Variants in SNTG1 observed in about 807,000 individuals in gnomAD.
The protein encoded by SNTG1 is gamma-1-syntrophin.
A neutral mutation model predicts 74.7 loss-of-function variants in SNTG1; 39 were observed. The ratio of observed to expected loss-of-function variants is 0.52; its 90% CI spans 0.40 to 0.68. The LOEUF is 0.68. SNTG1 is among the 30% of genes least tolerant of loss of function. The probability of loss-of-function intolerance (pLI) is 0.00; values close to 1 mark genes in which losing one functional copy is unlikely to be tolerated. For missense variants in SNTG1, 685 were observed against 609.5 expected, an observed-to-expected ratio of 1.12 and a Z score of -1.30; for synonymous variants, 254 against 217.1, an observed-to-expected ratio of 1.17 and a Z score of -1.49.
At chr8:50,080,284 T>C (rs2131071985) in intron 1 of SNTG1, among the ~76,000 whole-genome samples, 1 of 152,304 alleles carries the variant, frequency 6.6e-6, no homozygotes, top group African/African-American at 2.4e-5. Context: ...ACTAGGCAAA[T>C]TCTCTGATGG....
intron 9 of SNTG1, among the ~76,000 whole-genome samples, chr8:50,505,630 T>G (rs2093999726): frequency 6.6e-6 from 1 of 152,174 alleles, no homozygotes; most frequent in South Asian, 2.1e-4. Flanking sequence ...TTTTCACATA[T>G]TTATTGGCCA....
chr8:50,326,508 C>T (rs1197652484), intron 2 of SNTG1, among the ~76,000 whole-genome samples: 1 of 151,768 alleles, frequency 6.6e-6, no homozygotes, highest in Non-Finnish European at 1.5e-5. Context: ...TTTTGTTATT[C>T]CTTTAATTTC....
At chr8:50,241,562 C>A (rs1469333531) in intron 2 of SNTG1, among the ~76,000 whole-genome samples, 2 of 152,080 alleles carry the variant, frequency 1.3e-5, no homozygotes, top group East Asian at 3.9e-4. Flanking sequence ...TGTCTGATGT[C>A]CCAGTGGGCA....
chr8:50,463,189 G>A (rs914104127), intron 8 of SNTG1, among the ~76,000 whole-genome samples: 1 of 152,086 alleles, frequency 6.6e-6, no homozygotes, highest in African/African-American at 2.4e-5. Flanking sequence ...AAAACTTGAA[G>A]CCCTCAAAGT....
At chr8:50,091,708 GT>G (rs1422864577) in intron 1 of SNTG1, among the ~76,000 whole-genome samples, 4 of 152,050 alleles carry the variant, frequency 2.6e-5, no homozygotes, top group Non-Finnish European at 5.9e-5. Flanking sequence ...CTAAGGTGTT[GT>G]TTATGTTTTT....
chr8:49,968,545 A>C (rs1325774566), intron 1 of SNTG1, among the ~76,000 whole-genome samples: 1 of 152,200 alleles, frequency 6.6e-6, no homozygotes, highest in Admixed American at 6.5e-5. Context: ...TAAGGGCAAG[A>C]ACTTGTAATA....
At chr8:50,716,404 T>C (rs1387278075) in intron 17 of SNTG1, among the ~76,000 whole-genome samples, 2 of 152,014 alleles carry the variant, frequency 1.3e-5, no homozygotes, top group Admixed American at 6.6e-5. Context: ...TAAAATTATA[T>C]ATATATTTTT....
At chr8:50,474,289 A>G (rs1289695513) in intron 8 of SNTG1, among the ~76,000 whole-genome samples, 1 of 151,946 alleles carries the variant, frequency 6.6e-6, no homozygotes, top group African/African-American at 2.4e-5. Flanking sequence ...TGAACAGGCA[A>G]CCTACAAAAT....
chr8:50,452,182 C>A (rs2093464198), intron 8 of SNTG1, among the ~76,000 whole-genome samples: 1 of 152,154 alleles, frequency 6.6e-6, no homozygotes, highest in African/African-American at 2.4e-5. Context: ...TGTCACTTGT[C>A]TTTGTCTTCT....
chr8:50,769,245 C>G (rs2095621391), intron 18 of SNTG1, among the ~76,000 whole-genome samples: 2 of 151,858 alleles, frequency 1.3e-5, no homozygotes, highest in South Asian at 4.2e-4. Context: ...TTAACTGCCT[C>G]CAAAATAGTA....
At chr8:50,475,473 T>G (rs1393938939) in intron 8 of SNTG1, among the ~76,000 whole-genome samples, 1 of 152,184 alleles carries the variant, frequency 6.6e-6, no homozygotes, top group Non-Finnish European at 1.5e-5. Context: ...TTTGCCTACC[T>G]GACTTCTGTA....
intron 3 of SNTG1, among the ~76,000 whole-genome samples, chr8:50,400,101 A>C (rs1478341562): frequency 6.6e-6 from 1 of 152,220 alleles, no homozygotes; most frequent in Non-Finnish European, 1.5e-5. Context: ...GTATATAAAT[A>C]TATTCCCATC....
intron 1 of SNTG1, among the ~76,000 whole-genome samples, chr8:50,154,388 G>A (rs775891903): frequency 1.2e-4 from 19 of 152,050 alleles, no homozygotes; most frequent in African/African-American, 3.6e-4. Flanking sequence ...TGGGTAAGGC[G>A]ATGCCTCACC....
intron 12 of SNTG1, among the ~76,000 whole-genome samples, chr8:50,567,897 A>T (rs1311620269): frequency 6.6e-6 from 1 of 152,098 alleles, no homozygotes; most frequent in Non-Finnish European, 1.5e-5. Flanking sequence ...GATACACTTT[A>T]CATTGTTATT....
At chr8:50,351,487 T>A (rs779402773) in intron 2 of SNTG1, among the ~76,000 whole-genome samples, 2 of 152,232 alleles carry the variant, frequency 1.3e-5, no homozygotes, top group Non-Finnish European at 2.9e-5. Flanking sequence ...TACTTTCTTT[T>A]TATTTTTACA....
intron 4 of SNTG1, among the ~76,000 whole-genome samples, chr8:50,428,289 A>C (rs1209626282): frequency 6.6e-6 from 1 of 152,192 alleles, no homozygotes; most frequent in African/African-American, 2.4e-5. Context: ...CAGCCTCGGC[A>C]ACAGAGTAAG....
At position 50,704,632 on chromosome 8, in the gene SNTG1, C is replaced by T. The variant is rs1385500209; in HGVS notation, c.1071C>T (p.Cys357=). The change falls in exon 16 of 19, where the codon TGC becomes TGT. Residue 357 remains cysteine (C), a synonymous_variant. Transcript: ENST00000642720. ...DSDLLDRRKQ[C]FTVQSESGED... ...ACCTGCTGGACCGACGGAAACAGTG[C>T]TTCACCGTGCAGTCTGAGTCTGGGG... 1 of 1,614,110 alleles carries T rather than the reference C, an allele frequency of 6.2e-7. No individual in the cohort carries two copies. The highest frequency in any genetic ancestry group is 1.7e-5 in the Admixed American group (1 of 60,002).
chr8:50,239,482 C>A (rs12677477), intron 2 of SNTG1, among the ~76,000 whole-genome samples: 137,003 of 152,182 alleles, frequency 0.9, 62,945 homozygotes, highest in East Asian at 1. Flanking sequence ...AAACCATCAA[C>A]TCTTGTGAGA....
intron 9 of SNTG1, among the ~76,000 whole-genome samples, chr8:50,507,526 T>C (rs2094018077): frequency 6.6e-6 from 1 of 152,134 alleles, no homozygotes; most frequent in Admixed American, 6.6e-5. Flanking sequence ...TGTCTGTATT[T>C]TTTGTTTCTT....
Sources: gnomAD v4.1 joint callset for allele counts (sites outside exome capture counted in the v4.1 genomes callset) on GRCh38, gnomAD v4.1.1 for gene constraint, MANE v1.5 for transcripts, NCBI Gene and HGNC (gene_info 2026-07-23, HGNC 2026-07-21) for gene names.